The following CA1 variants were observed in gnomAD, a reference collection of about 807,000 sequenced individuals.
CA1 encodes the protein carbonate dehydratase I.
In CA1, 27 loss-of-function variants were observed where a neutral mutation model predicts 28.8. The ratio of observed to expected loss-of-function variants is 0.94; its 90% CI spans 0.69 to 1.29. The LOEUF (loss-of-function observed/expected upper bound fraction) is 1.29. Ranked by LOEUF, CA1 falls within the 50% of genes most tolerant of loss-of-function variation. The pLI, the probability that CA1 is intolerant of heterozygous loss-of-function variation, is 0.00. For missense variants in CA1, 335 were observed against 310.5 expected (o/e 1.08, Z -0.59); for synonymous variants, 121 against 108.8 (o/e 1.11, Z -0.70).
intron 1 of CA1, among the ~76,000 whole-genome samples, chr8:85,373,789 A>G (rs1451398250): frequency 6.6e-6 from 1 of 152,200 alleles, no homozygotes; most frequent in Non-Finnish European, 1.5e-5. Context: ...AATATGGAGG[A>G]AGATTGAAGA....
intron 1 of CA1, among the ~76,000 whole-genome samples, chr8:85,349,590 C>A (rs1454944649): frequency 1.3e-5 from 2 of 152,100 alleles, no homozygotes; most frequent in African/African-American, 4.8e-5. Context: ...GGGTATGGAC[C>A]ACCATTATCT....
chr8:85,359,526 TA>T (rs374543848), intron 1 of CA1, among the ~76,000 whole-genome samples: 5 of 152,190 alleles, frequency 3.3e-5, no homozygotes, highest in African/African-American at 1.2e-4. Context: ...TAAATGATGA[TA>T]TCAGGACCCT....
chr8:85,345,581 A>C (rs1809145433), intron 1 of CA1, among the ~76,000 whole-genome samples: 1 of 152,158 alleles, frequency 6.6e-6, no homozygotes, highest in African/African-American at 2.4e-5. Context: ...TTATAGAGAG[A>C]ATAATTAAAT....
At chr8:85,336,170 T>A (rs1808644871) in intron 4 of CA1, among the ~76,000 whole-genome samples, 1 of 152,200 alleles carries the variant, frequency 6.6e-6, no homozygotes, top group African/African-American at 2.4e-5. Flanking sequence ...TTCTGATTTT[T>A]AAAAATTGTC....
chr8:85,342,903 G>C (rs1808984579), intron 1 of CA1: 1 of 152,208 alleles, frequency 6.6e-6, no homozygotes, highest in Non-Finnish European at 1.5e-5. Flanking sequence ...TGCAGTTAGT[G>C]ATGGTTCGTT....
intron 2 of CA1, 176 bp downstream of exon 2, chr8:85,341,423 C>T (rs2130218987): frequency 1.9e-6 from 1 of 538,084 alleles, no homozygotes; most frequent in East Asian, 3.0e-5. Flanking sequence ...ATTTTGTAGT[C>T]AGCCATGCCC....
In CA1 at chr8:85,330,533, G is replaced by T. The variant is rs117428574; in HGVS notation, c.514-689C>A. On this transcript the variant is annotated intron_variant, in intron 6 of 7. Transcript: ENST00000523022. ...ATGGTCACAGTGGCACTTTTGTCTT[G>T]TCCCTGACTGAAATGTAAATGCTTC... Among the ~76,000 whole-genome samples the T allele has an allele frequency of 9.3e-3, 1,418 of 152,106 alleles. 18 individuals carry two copies. The highest frequency in any genetic ancestry group is 0.063 in the East Asian group (324 of 5,176).
intron 1 of CA1, among the ~76,000 whole-genome samples, chr8:85,364,009 TA>T (rs1481134741): frequency 2.0e-5 from 3 of 152,190 alleles, no homozygotes; most frequent in Admixed American, 6.5e-5. Flanking sequence ...TTTTTTATTT[TA>T]TTTTTTTTTA....
intron 6 of CA1, among the ~76,000 whole-genome samples, chr8:85,331,583 A>G (rs1808404308): frequency 6.6e-6 from 1 of 151,888 alleles, no homozygotes; most frequent in Non-Finnish European, 1.5e-5. Context: ...CAATCTCCTG[A>G]TTAGCTAGGA....
chr8:85,337,542 GGC>G (rs1808713634), intron 3 of CA1, among the ~76,000 whole-genome samples: 1 of 152,094 alleles, frequency 6.6e-6, no homozygotes, highest in Non-Finnish European at 1.5e-5. Flanking sequence ...GAGAATCCCT[GGC>G]CAGGGACCAA....
At chr8:85,349,336 G>T (rs566180355) in intron 1 of CA1, among the ~76,000 whole-genome samples, 1 of 152,176 alleles carries the variant, frequency 6.6e-6, no homozygotes, top group South Asian at 2.1e-4. Flanking sequence ...TAAGCCACTT[G>T]TCCAAAGTCA....
intron 1 of CA1, among the ~76,000 whole-genome samples, chr8:85,369,180 T>A (rs1286276791): frequency 1.3e-5 from 2 of 152,210 alleles, no homozygotes; most frequent in Non-Finnish European, 2.9e-5. Flanking sequence ...TTAAATAACA[T>A]GTTTACTTTG....
chr8:85,364,266 A>G (rs2130361081), intron 1 of CA1, among the ~76,000 whole-genome samples: 1 of 152,290 alleles, frequency 6.6e-6, no homozygotes, highest in Middle Eastern at 3.4e-3. Flanking sequence ...AATCTAACCT[A>G]TCATCAAAAG....
chr8:85,359,075 A>G (rs906311359), intron 1 of CA1, among the ~76,000 whole-genome samples: 5 of 152,208 alleles, frequency 3.3e-5, no homozygotes, highest in Admixed American at 2.6e-4. Context: ...AGAAAGGAAA[A>G]CAATCATTCA....
chr8:85,363,655 TTCCTTTCTTC>T (rs1809888911), intron 1 of CA1, among the ~76,000 whole-genome samples: 1 of 152,338 alleles, frequency 6.6e-6, no homozygotes, highest in South Asian at 2.1e-4. Flanking sequence ...CTGGTGTTCT[TTCCTTTCTTC>T]TCCTTTCATC....
intron 1 of CA1, among the ~76,000 whole-genome samples, chr8:85,366,760 G>C (rs191823999): frequency 6.6e-6 from 1 of 152,302 alleles, no homozygotes; most frequent in African/African-American, 2.4e-5. Flanking sequence ...GTGCATTTGT[G>C]ATACTTTAAG....
intron 1 of CA1, among the ~76,000 whole-genome samples, chr8:85,376,256 G>A (rs982112153): frequency 6.6e-6 from 1 of 152,108 alleles, no homozygotes; most frequent in Non-Finnish European, 1.5e-5. Context: ...GCTTGAACCG[G>A]GAGGCAGAGG....
intron 2 of CA1, among the ~76,000 whole-genome samples, chr8:85,338,863 G>C (rs935739520): frequency 6.6e-6 from 1 of 151,534 alleles, no homozygotes; most frequent in Non-Finnish European, 1.5e-5. Flanking sequence ...ACAGGAGCAT[G>C]CCACCATGCC....
intron 4 of CA1, among the ~76,000 whole-genome samples, chr8:85,336,595 G>A (rs1267251226): frequency 6.6e-6 from 1 of 152,154 alleles, no homozygotes; most frequent in African/African-American, 2.4e-5. Context: ...AAACTTGAAC[G>A]TTTAAATAAA....
Sources: gnomAD v4.1 joint callset for allele counts (sites outside exome capture counted in the v4.1 genomes callset) on GRCh38, gnomAD v4.1.1 for gene constraint, MANE v1.5 for transcripts, NCBI Gene and HGNC (gene_info 2026-07-23, HGNC 2026-07-21) for gene names.